The following GALNTL6 variants were observed in gnomAD, a reference collection of about 807,000 sequenced individuals.
The protein encoded by GALNTL6 is polypeptide N-acetylgalactosaminyltransferase like 6, also known as polypeptide N-acetylgalactosaminyltransferase-like 6.
GALNTL6 carries 46 observed loss-of-function variants against 73.7 expected under a neutral mutation model. The ratio of observed to expected loss-of-function variants is 0.62; its 90% CI spans 0.49 to 0.80. The LOEUF (loss-of-function observed/expected upper bound fraction) is 0.80, where lower values mean the gene tolerates loss of function less well. Among genes scored for constraint, GALNTL6 ranks in the 30% least tolerant of loss-of-function variants. The pLI is 0.00. For synonymous variants in GALNTL6, 259 were observed against 263.7 expected, an observed-to-expected ratio of 0.98 and a Z score of 0.17; for missense variants, 604 against 755.0, an observed-to-expected ratio of 0.80 and a Z score of 2.34.
intron 5 of GALNTL6, among the ~76,000 whole-genome samples, chr4:172,790,880 C>A: frequency 7.8e-6 from 1 of 128,672 alleles, no homozygotes; most frequent in African/African-American, 3.0e-5. Context: ...GCCTGGGCTA[C>A]AGAGTGAGAC....
intron 2 of GALNTL6, chr4:172,052,417 T>G: frequency 6.6e-7 from 1 of 1,513,948 alleles, no homozygotes; most frequent in African/African-American, 1.4e-5. Context: ...CCAGATGGGC[T>G]GTTTACCCCA....
intron 2 of GALNTL6, among the ~76,000 whole-genome samples, chr4:171,921,704 T>G (rs1450942404): frequency 6.6e-6 from 1 of 152,094 alleles, no homozygotes; most frequent in African/African-American, 2.4e-5. Flanking sequence ...ATTTCTAATT[T>G]TATTAAGTTG....
intron 5 of GALNTL6, among the ~76,000 whole-genome samples, chr4:172,473,363 TC>T (rs1378136750): frequency 2.0e-5 from 3 of 152,162 alleles, no homozygotes; most frequent in African/African-American, 4.8e-5. Flanking sequence ...TACTGCCCCA[TC>T]CCTTCGTTGT....
chr4:172,800,106 G>A (rs1740541212), intron 5 of GALNTL6, among the ~76,000 whole-genome samples: 1 of 152,104 alleles, frequency 6.6e-6, no homozygotes, highest in African/African-American at 2.4e-5. Flanking sequence ...GTTGCCTGAA[G>A]CTGGGGGGGA....
intron 2 of GALNTL6, among the ~76,000 whole-genome samples, chr4:172,079,689 G>A (rs1485905494): frequency 6.6e-6 from 1 of 151,912 alleles, no homozygotes; most frequent in East Asian, 1.9e-4. Context: ...TTGAATAATG[G>A]CTTTTCTACT....
At chr4:172,364,220 G>A (rs1742477199) in intron 5 of GALNTL6, among the ~76,000 whole-genome samples, 1 of 152,090 alleles carries the variant, frequency 6.6e-6, no homozygotes, top group African/African-American at 2.4e-5. Flanking sequence ...GCCAGAAGTT[G>A]GAGTCTAGCT....
At chr4:172,936,524 C>G (rs1444270282) in intron 9 of GALNTL6, among the ~76,000 whole-genome samples, 2 of 152,266 alleles carry the variant, frequency 1.3e-5, no homozygotes, top group Non-Finnish European at 2.9e-5. Context: ...TTAGAAAACC[C>G]CACCGTCTCA....
At chr4:172,138,679 GCCA>G (rs1733721981) in intron 2 of GALNTL6, among the ~76,000 whole-genome samples, 1 of 148,948 alleles carries the variant, frequency 6.7e-6, no homozygotes, top group Non-Finnish European at 1.5e-5. Flanking sequence ...ACAGGTGCCT[GCCA>G]CCACGCCCGG....
chr4:172,751,956 T>G (rs1425143895), intron 5 of GALNTL6, among the ~76,000 whole-genome samples: 1 of 150,232 alleles, frequency 6.7e-6, no homozygotes, highest in East Asian at 2.0e-4. Context: ...AAAATCAAGG[T>G]GGAAAACCAG....
chr4:172,042,809 A>T lies in GALNTL6; in HGVS notation c.139-186847A>T, dbSNP rs1352145332. 3.0e-5 allele frequency among the ~76,000 whole-genome samples: 4 copies of T among 131,390 alleles called. No homozygotes were observed. The East Asian group carries it at 9.8e-4, about 32-fold the overall frequency. The allele number at this position is 131,390 out of a possible 152,430, so 86.2% of individuals were successfully genotyped here. Reference sequence around the variant, plus strand: ...AGACTTCTGCTCACTGATTACATCAACTTTTGGCACTGCTCCAAGTTTTTA... The same window carrying T: ...AGACTTCTGCTCACTGATTACATCATCTTTTGGCACTGCTCCAAGTTTTTA... On this transcript the variant is annotated intron_variant, in intron 2 of 12. Coordinates refer to ENST00000506823, the MANE Select transcript of GALNTL6 (RefSeq NM_001034845.3).
At chr4:171,849,235 A>C (rs542365959) in intron 2 of GALNTL6, among the ~76,000 whole-genome samples, 1 of 152,278 alleles carries the variant, frequency 6.6e-6, no homozygotes, top group Non-Finnish European at 1.5e-5. Flanking sequence ...AAACTGGCCT[A>C]ATTTCAATAT....
chr4:172,762,799 A>T (rs987745589), intron 5 of GALNTL6, among the ~76,000 whole-genome samples: 189 of 139,340 alleles, frequency 1.4e-3, no homozygotes, highest in Middle Eastern at 7.6e-3. Context: ...AAAAAAAAAA[A>T]AACCCAGTGA....
At chr4:172,019,098 A>G (rs1157376021) in intron 2 of GALNTL6, among the ~76,000 whole-genome samples, 1 of 152,120 alleles carries the variant, frequency 6.6e-6, no homozygotes, top group Non-Finnish European at 1.5e-5. Flanking sequence ...GTCTCATAGA[A>G]TTTGTAGCAG....
chr4:172,761,440 C>T (rs1349940390), intron 5 of GALNTL6, among the ~76,000 whole-genome samples: 4 of 152,090 alleles, frequency 2.6e-5, no homozygotes, highest in Non-Finnish European at 4.4e-5. Flanking sequence ...CTAGAGAAGA[C>T]ATTTCTTTTT....
chr4:172,789,445 G>A (rs756766646), intron 5 of GALNTL6, among the ~76,000 whole-genome samples: 2 of 152,092 alleles, frequency 1.3e-5, no homozygotes, highest in Non-Finnish European at 2.9e-5. Flanking sequence ...GTCAGCTATC[G>A]TTTGTGTTAG....
At chr4:172,707,828 C>G (rs2111314086) in intron 5 of GALNTL6, among the ~76,000 whole-genome samples, 1 of 152,062 alleles carries the variant, frequency 6.6e-6, no homozygotes, top group South Asian at 2.1e-4. Flanking sequence ...AGGATTCTTG[C>G]TGAAGGAAAG....
At chr4:171,861,302 G>C (rs796603918) in intron 2 of GALNTL6, among the ~76,000 whole-genome samples, 18 of 152,210 alleles carry the variant, frequency 1.2e-4, no homozygotes, top group African/African-American at 3.6e-4. Flanking sequence ...AATTAATCTA[G>C]TTTAATAGTC....
chr4:171,873,521 C>G (rs1387834880), intron 2 of GALNTL6, among the ~76,000 whole-genome samples: 3 of 152,082 alleles, frequency 2.0e-5, no homozygotes, highest in African/African-American at 7.2e-5. Context: ...AGAATCCTGC[C>G]TAGTGTGGAA....
chr4:172,164,167 A>G (rs1039945281), intron 2 of GALNTL6, among the ~76,000 whole-genome samples: 2 of 152,046 alleles, frequency 1.3e-5, no homozygotes, highest in African/African-American at 4.8e-5. Context: ...CTTGAGAAGT[A>G]TAAAAGTATT....
Sources: gnomAD v4.1 joint callset for allele counts (sites outside exome capture counted in the v4.1 genomes callset) on GRCh38, gnomAD v4.1.1 for gene constraint, MANE v1.5 for transcripts, NCBI Gene and HGNC (gene_info 2026-07-23, HGNC 2026-07-21) for gene names.